Variants in ERMP1 observed in about 807,000 individuals in gnomAD.
The protein encoded by ERMP1 is Felix-ina.
ERMP1 carries 86 observed loss-of-function variants against 92.0 expected under a neutral mutation model. The observed-to-expected ratio is 0.93, with a 90% CI of 0.79 to 1.12. The LOEUF is 1.12. ERMP1 is among the 50% of genes most tolerant of loss of function. ERMP1 has a pLI of 0.00. For synonymous variants in ERMP1, 530 were observed against 412.8 expected (o/e 1.28, Z -3.44); for missense variants, 1,342 against 1,116.3 (o/e 1.20, Z -2.88).
chr9:5,832,425 G>A (rs1027846847), intron 1 of ERMP1: 4 of 428,742 alleles, frequency 9.3e-6, no homozygotes, highest in African/African-American at 2.1e-5. Flanking sequence ...TGCACGAAGG[G>A]CAGACAGTGG....
At chr9:5,840,486 C>G (rs1370560327) in intron 6 of ERMP1, among the ~76,000 whole-genome samples, 1 of 152,226 alleles carries the variant, frequency 6.6e-6, no homozygotes, top group Non-Finnish European at 1.5e-5. Context: ...AATGTCAGGT[C>G]TGCACTGCCA....
intron 5 of ERMP1, among the ~76,000 whole-genome samples, chr9:5,866,511 G>C (rs1453639228): frequency 6.6e-6 from 1 of 152,150 alleles, no homozygotes; most frequent in East Asian, 1.9e-4. Flanking sequence ...TAGCTCACTT[G>C]ATGCTTTTGA....
intron 5 of ERMP1, among the ~76,000 whole-genome samples, chr9:5,862,679 T>C (rs1414535160): frequency 1.3e-5 from 2 of 152,170 alleles, no homozygotes; most frequent in Non-Finnish European, 2.9e-5. Context: ...ATACATAACA[T>C]TGGTGCCTAA....
At chr9:5,803,722 AG>A (rs1258972752) in intron 10 of ERMP1, among the ~76,000 whole-genome samples, 2 of 152,214 alleles carry the variant, frequency 1.3e-5, no homozygotes, top group Non-Finnish European at 2.9e-5. Context: ...AGATGATATA[AG>A]GGTTACTATT....
Position 5,830,863 on chromosome 9 carries a change from A to G in ERMP1, c.504T>C (p.Phe168=). 8 of 1,614,110 alleles carry G rather than the reference A, an allele frequency of 5.0e-6. No homozygotes were observed. Among genetic ancestry groups the G allele is most frequent in the Non-Finnish European group, 6.8e-6 (8 of 1,179,968 alleles). The part of the protein sequence containing the change: ...SVDVQRPTGS[F]SIDFLGGFTS... The stretch of plus-strand genomic sequence containing the variant: ...TAAAACCTCCCAAGAAATCAATGCT[A>G]AAAGAGCCTGTGGGCCGTTGTACAT... The change falls in exon 2 of 15, where the codon TTT becomes TTC. Residue 168 remains phenylalanine, a synonymous_variant. Transcript: ENST00000339450.
chr9:5,810,177 C>G lies in ERMP1; in HGVS notation c.1382G>C (p.Trp461Ser), dbSNP rs1829037036. The change falls in exon 8 of 15, where the codon TGG becomes TCG. Residue 461 changes from tryptophan (W) to serine (S), a missense_variant. By Grantham distance (177) the Trp-to-Ser change is radical. Transcript: ENST00000339450. ...LCGLGITLIS[W>S]FTSLVTVLII... ...GAGAACGGTAACAAGGCTAGTGAAC[C>G]AGCTGATCAAAGTGATGCCAAGTCC... is the stretch of plus-strand genomic sequence containing the variant. 11 of 1,614,054 alleles carry G rather than the reference C, an allele frequency of 6.8e-6. No individual in the cohort carries two copies. Among genetic ancestry groups the G allele is most frequent in the Non-Finnish European group, 9.3e-6 (11 of 1,180,000 alleles).
At chr9:5,856,195 G>C in intron 6 of ERMP1, 2 of 280,506 alleles carry the variant, frequency 7.1e-6, no homozygotes, top group South Asian at 7.8e-5. Context: ...AAACCATCTG[G>C]GAGCCAGTGC....
intron 4 of ERMP1, among the ~76,000 whole-genome samples, chr9:5,819,273 T>C (rs1829436878): frequency 6.6e-6 from 1 of 152,116 alleles, no homozygotes; most frequent in South Asian, 2.1e-4. Flanking sequence ...ACAATGTGGA[T>C]GAACCTTGTG....
intron 6 of ERMP1, among the ~76,000 whole-genome samples, chr9:5,846,580 C>T (rs370876886): frequency 6.6e-6 from 1 of 152,198 alleles, no homozygotes; most frequent in Non-Finnish European, 1.5e-5. Context: ...TGGTTTCACT[C>T]ATGTATGTGT....
chr9:5,828,019 C>G (rs544914167), intron 2 of ERMP1, among the ~76,000 whole-genome samples: 2 of 150,642 alleles, frequency 1.3e-5, no homozygotes, highest in South Asian at 2.1e-4. Flanking sequence ...AATGTACGTT[C>G]TAGGCCAGGC....
At position 5,787,177 on chromosome 9, in the gene ERMP1, G is replaced by A; in HGVS notation, c.2682C>T (p.Ala894=). ...EKFPDWTFPS[A]WVCTYDLFVF ...CAAAGAGATCGTAGGTGCACACCCA[G>A]GCAGAGGGAAATGTCCAATCTGGGA... The change falls in exon 15 of 15, where the codon GCC becomes GCT. Residue 894 remains alanine (A), a synonymous_variant. Transcript: ENST00000339450. The A allele has an allele frequency of 6.2e-7, 1 of 1,614,054 alleles. No individual in the cohort carries two copies. The highest frequency in any genetic ancestry group is 8.5e-7 in the Non-Finnish European group (1 of 1,179,972).
chr9:5,807,141 T>A (rs1828899971), intron 8 of ERMP1, among the ~76,000 whole-genome samples: 1 of 152,248 alleles, frequency 6.6e-6, no homozygotes, highest in South Asian at 2.1e-4. Flanking sequence ...GAATCTATTT[T>A]CCTCCTCACC....
intron 6 of ERMP1, among the ~76,000 whole-genome samples, chr9:5,855,026 T>C (rs746369856): frequency 3.3e-5 from 5 of 152,322 alleles, no homozygotes; most frequent in East Asian, 3.9e-4. Flanking sequence ...CCCTCTTTCA[T>C]AGCTCAGTTC....
chr9:5,812,812 T>G, intron 5 of ERMP1, 77 bp downstream of exon 5: 1 of 1,486,958 alleles, frequency 6.7e-7, no homozygotes, highest in Non-Finnish European at 9.4e-7. Context: ...TGCTGTTTAC[T>G]CACATACTTT....
intron 4 of ERMP1, among the ~76,000 whole-genome samples, chr9:5,820,028 G>A (rs1829470354): frequency 6.6e-6 from 1 of 152,212 alleles, no homozygotes; most frequent in South Asian, 2.1e-4. Context: ...GGCCGGGCGT[G>A]GTGGGTCACA....
At chr9:5,811,935 C>T (rs1385918327) in intron 6 of ERMP1, among the ~76,000 whole-genome samples, 190 bp downstream of exon 6, 1 of 152,176 alleles carries the variant, frequency 6.6e-6, no homozygotes, top group African/African-American at 2.4e-5. Context: ...ATGAATATTC[C>T]TGACCTTAAT....
intron 6 of ERMP1, among the ~76,000 whole-genome samples, chr9:5,852,998 A>G (rs1830328439): frequency 6.6e-6 from 1 of 152,224 alleles, no homozygotes; most frequent in South Asian, 2.1e-4. Flanking sequence ...CTGGCAAAAG[A>G]CAGATTAACA....
At chr9:5,861,215 G>A (rs898663631) in intron 5 of ERMP1, among the ~76,000 whole-genome samples, 5 of 147,124 alleles carry the variant, frequency 3.4e-5, no homozygotes, top group African/African-American at 9.9e-5. Flanking sequence ...GTGTGTGTGT[G>A]TGTGTAAAAG....
intron 6 of ERMP1, among the ~76,000 whole-genome samples, chr9:5,841,443 G>GC (rs1830162298): frequency 6.6e-6 from 1 of 152,194 alleles, no homozygotes; most frequent in Non-Finnish European, 1.5e-5. Context: ...AGAACGGACA[G>GC]GGCAGAGGCG....
Sources: allele counts gnomAD v4.1 joint callset (sites outside exome capture counted in the v4.1 genomes callset), GRCh38; gene constraint gnomAD v4.1.1; transcripts MANE v1.5; gene names NCBI Gene and HGNC (gene_info 2026-07-23, HGNC 2026-07-21).